The following SH3RF3 variants were observed in gnomAD, a reference collection of about 807,000 sequenced individuals.
SH3RF3 encodes E3 ubiquitin-protein ligase SH3RF3.
In SH3RF3, 29 loss-of-function variants were observed where a neutral mutation model predicts 66.3. That is an observed-to-expected ratio of 0.44 (90% CI 0.33 to 0.60). SH3RF3 has a LOEUF of 0.60. SH3RF3 is among the 20% of genes least tolerant of loss of function. The pLI is 0.04. For missense variants in SH3RF3, 1,194 were observed against 1,190.9 expected (o/e 1.00, Z -0.04); for synonymous variants, 583 against 532.0 (o/e 1.10, Z -1.32).
chr2:109,417,574 T>G (rs1676759279), intron 4 of SH3RF3, among the ~76,000 whole-genome samples: 1 of 152,194 alleles, frequency 6.6e-6, no homozygotes, highest in South Asian at 2.1e-4. Context: ...CGACAGCCTC[T>G]GGACACCTGG....
Position 109,479,113 on chromosome 2 carries a change from A to T in SH3RF3, c.2149-11492A>T, listed in dbSNP as rs188358317. Among the ~76,000 whole-genome samples the T allele has an allele frequency of 3.3e-5, 5 of 152,236 alleles. No individual in the cohort carries two copies. The East Asian group carries it at 9.7e-4, about 29-fold the overall frequency. ...TCAGAGCACCAGCACACACTTCTCA[A>T]CGTGGACAGCATGAGCTTCCTCACA... On this transcript the variant is annotated intron_variant, in intron 8 of 9. Transcript: ENST00000309415.
chr2:109,188,167 C>T (rs1010462710), intron 1 of SH3RF3, among the ~76,000 whole-genome samples: 1 of 152,240 alleles, frequency 6.6e-6, no homozygotes, highest in African/African-American at 2.4e-5. Context: ...TATTGACTTC[C>T]CAAGAACCAG....
chr2:109,319,772 C>G (rs965839534), intron 1 of SH3RF3, among the ~76,000 whole-genome samples: 2 of 152,342 alleles, frequency 1.3e-5, no homozygotes, highest in Non-Finnish European at 1.5e-5. Context: ...GTGGCTGTTT[C>G]CCTTCACTGC....
intron 3 of SH3RF3, among the ~76,000 whole-genome samples, chr2:109,395,497 T>A (rs1390257022): frequency 6.6e-6 from 1 of 152,100 alleles, no homozygotes; most frequent in African/African-American, 2.4e-5. Context: ...GACTTTCTTC[T>A]TTGAGGCAGG....
chr2:109,179,966 A>G (rs1678037739), intron 1 of SH3RF3, among the ~76,000 whole-genome samples: 2 of 51,092 alleles, frequency 3.9e-5, no homozygotes, highest in Admixed American at 4.9e-4. Context: ...TTTGGACCCA[A>G]AGGTGTTCTT....
intron 6 of SH3RF3, among the ~76,000 whole-genome samples, chr2:109,433,182 T>C (rs1177214599): frequency 6.6e-6 from 1 of 152,246 alleles, no homozygotes; most frequent in East Asian, 1.9e-4. Flanking sequence ...CATGTGTGTA[T>C]GCAGTGTGTA....
At chr2:109,397,170 C>G (rs1573218743) in intron 3 of SH3RF3, among the ~76,000 whole-genome samples, 1 of 152,154 alleles carries the variant, frequency 6.6e-6, no homozygotes, top group Admixed American at 6.5e-5. Context: ...CACACAACCA[C>G]TCCACCCTGC....
chr2:109,173,186 G>A (rs1003775581), intron 1 of SH3RF3, among the ~76,000 whole-genome samples: 5 of 151,898 alleles, frequency 3.3e-5, no homozygotes, highest in African/African-American at 7.3e-5. Flanking sequence ...CATGGAAATC[G>A]AACACAGACT....
intron 6 of SH3RF3, 45 bp downstream of exon 6, chr2:109,432,716 C>T (rs775931812): frequency 6.3e-7 from 1 of 1,579,198 alleles, no homozygotes; most frequent in South Asian, 1.2e-5. Flanking sequence ...AGGGCAAGGG[C>T]CTGCACGCCT....
chr2:109,296,390 G>GTTT (rs537851058), intron 1 of SH3RF3, among the ~76,000 whole-genome samples: 3 of 148,520 alleles, frequency 2.0e-5, no homozygotes, highest in African/African-American at 7.5e-5. Context: ...ACCACACCCA[G>GTTT]TTTTTTTTTT....
intron 3 of SH3RF3, among the ~76,000 whole-genome samples, chr2:109,392,172 A>G (rs1676016103): frequency 6.6e-6 from 1 of 152,174 alleles, no homozygotes; most frequent in Admixed American, 6.5e-5. Flanking sequence ...TACCCAACCC[A>G]TTCCAATAGT....
intron 1 of SH3RF3, among the ~76,000 whole-genome samples, chr2:109,159,670 G>A (rs1265196835): frequency 9.9e-5 from 15 of 152,180 alleles, no homozygotes; most frequent in Non-Finnish European, 8.8e-5. Context: ...GCGGGAGAGC[G>A]AGCAAAGCTA....
At chr2:109,398,387 C>T (rs1337825899) in intron 3 of SH3RF3, among the ~76,000 whole-genome samples, 1 of 152,146 alleles carries the variant, frequency 6.6e-6, no homozygotes, top group Non-Finnish European at 1.5e-5. Flanking sequence ...CATCATGGCT[C>T]CTGGGGTTTT....
chr2:109,319,685 T>C (rs552545914), intron 1 of SH3RF3, among the ~76,000 whole-genome samples: 2 of 152,216 alleles, frequency 1.3e-5, no homozygotes, highest in Non-Finnish European at 2.9e-5. Flanking sequence ...AAGTGTGCGA[T>C]CTTGAAGAGT....
chr2:109,223,858 G>A (rs191193051), intron 1 of SH3RF3, among the ~76,000 whole-genome samples: 163 of 152,336 alleles, frequency 1.1e-3, no homozygotes, highest in African/African-American at 3.7e-3. Flanking sequence ...GTAGCTGGAT[G>A]TGGTGGCACA....
rs34592741 is a variant in SH3RF3 at position 109,249,532 on chromosome 2, TTTCC to T, written c.574-98091_574-98088del. On this transcript the variant is annotated intron_variant, in intron 1 of 9. Coordinates refer to ENST00000309415, the MANE Select transcript of SH3RF3 (RefSeq NM_001099289.3). ...TTCATTCTTTCTTTTTCTTTCTTTCTTTCCTTCCTTCCTTCCTTCCTTCCTTCCT... is the reference window on the plus strand; with the variant it reads ...TTCATTCTTTCTTTTTCTTTCTTTCTTTCCTTCCTTCCTTCCTTCCTTCCT... Among the ~76,000 whole-genome samples the T allele has an allele frequency of 6.6e-3, 638 of 96,328 alleles. 4 individuals are homozygous for T. The highest frequency in any genetic ancestry group is 0.011 in the East Asian group (29 of 2,666). 63.2% of individuals were successfully genotyped at this position (96,328 alleles called of 152,430 possible).
At chr2:109,192,539 A>T (rs1306055871) in intron 1 of SH3RF3, among the ~76,000 whole-genome samples, 1 of 152,196 alleles carries the variant, frequency 6.6e-6, no homozygotes, top group South Asian at 2.1e-4. Context: ...GGTAATTTCT[A>T]TGCCTGTGCC....
chr2:109,169,018 C>T (rs1326066195), intron 1 of SH3RF3, among the ~76,000 whole-genome samples: 3 of 152,178 alleles, frequency 2.0e-5, no homozygotes, highest in Non-Finnish European at 2.9e-5. Context: ...GTTTGCCTAA[C>T]AGGACTCTCC....
intron 8 of SH3RF3, among the ~76,000 whole-genome samples, chr2:109,449,928 A>G (rs990109038): frequency 2.6e-5 from 4 of 152,194 alleles, no homozygotes; most frequent in Admixed American, 1.3e-4. Flanking sequence ...GCAGTCCACA[A>G]CCTGTTCAAC....
Sources: gnomAD v4.1 joint callset for allele counts (sites outside exome capture counted in the v4.1 genomes callset) on GRCh38, gnomAD v4.1.1 for gene constraint, MANE v1.5 for transcripts, NCBI Gene and HGNC (gene_info 2026-07-23, HGNC 2026-07-21) for gene names.